Variants in PCDH15 observed in about 807,000 individuals in gnomAD.
PCDH15 encodes protocadherin-15.
In PCDH15, 129 loss-of-function variants were observed where a neutral mutation model predicts 178.5. The ratio of observed to expected loss-of-function variants is 0.72; its 90% CI spans 0.63 to 0.84. The LOEUF (loss-of-function observed/expected upper bound fraction) is 0.84, where lower values mean the gene tolerates loss of function less well. PCDH15 is among the 40% of genes least tolerant of loss of function. PCDH15 has a pLI of 0.00. For synonymous variants in PCDH15, 800 were observed against 732.0 expected, an observed-to-expected ratio of 1.09 and a Z score of -1.50; for missense variants, 2,230 against 2,099.9, an observed-to-expected ratio of 1.06 and a Z score of -1.21.
At chr10:55,487,913 G>T (rs1165469372) in intron 2 of PCDH15, among the ~76,000 whole-genome samples, 1 of 148,660 alleles carries the variant, frequency 6.7e-6, no homozygotes, top group Admixed American at 6.8e-5. Context: ...GTGAACATAA[G>T]ATTTTAATAA....
At chr10:54,748,118 C>T (rs1183668379) in intron 1 of PCDH15, among the ~76,000 whole-genome samples, 2 of 152,096 alleles carry the variant, frequency 1.3e-5, no homozygotes, top group Non-Finnish European at 2.9e-5. Context: ...TCAATGGTTA[C>T]ATTCTTATTT....
At chr10:54,652,385 T>G (rs898169775) in intron 2 of PCDH15, among the ~76,000 whole-genome samples, 1 of 152,144 alleles carries the variant, frequency 6.6e-6, no homozygotes, top group African/African-American at 2.4e-5. Context: ...AATAGCTCAG[T>G]CCTCCACAGC....
intron 15 of PCDH15, among the ~76,000 whole-genome samples, chr10:54,112,265 C>A (rs1354355840): frequency 6.6e-6 from 1 of 152,042 alleles, no homozygotes; most frequent in African/African-American, 2.4e-5. Context: ...CTGGAAAATT[C>A]TTTGTTGGAG....
chr10:54,921,223 T>A (rs1360817417), intron 2 of PCDH15, among the ~76,000 whole-genome samples: 1 of 152,210 alleles, frequency 6.6e-6, no homozygotes, highest in African/African-American at 2.4e-5. Flanking sequence ...TATAGAGGCT[T>A]GTCCAAATTT....
chr10:54,465,874 T>C (rs1159372814), intron 3 of PCDH15, among the ~76,000 whole-genome samples: 1 of 152,046 alleles, frequency 6.6e-6, no homozygotes, highest in Non-Finnish European at 1.5e-5. Context: ...GTATAAGAGT[T>C]CTTTTTTCTC....
intron 10 of PCDH15, among the ~76,000 whole-genome samples, chr10:54,213,462 T>C (rs2051665216): frequency 6.6e-6 from 1 of 152,136 alleles, no homozygotes; most frequent in Non-Finnish European, 1.5e-5. Context: ...ATTGAAAGCA[T>C]CTTTGGATAG....
At chr10:55,330,846 G>GTC (rs1844181618) in intron 2 of PCDH15, among the ~76,000 whole-genome samples, 1 of 150,694 alleles carries the variant, frequency 6.6e-6, no homozygotes, top group South Asian at 2.1e-4. Context: ...TTATGTGTGT[G>GTC]TGTGTGTGTG....
intron 2 of PCDH15, among the ~76,000 whole-genome samples, chr10:54,902,554 C>T (rs1954653482): frequency 6.6e-6 from 1 of 152,152 alleles, no homozygotes; most frequent in African/African-American, 2.4e-5. Flanking sequence ...CTCAGCCATG[C>T]TTTCTGTACA....
chr10:54,526,187 A>G (rs1204413411), intron 3 of PCDH15, among the ~76,000 whole-genome samples: 1 of 152,214 alleles, frequency 6.6e-6, no homozygotes, highest in African/African-American at 2.4e-5. Flanking sequence ...TAATCAGCAC[A>G]AAAGGAAATA....
intron 2 of PCDH15, among the ~76,000 whole-genome samples, chr10:55,484,631 C>A (rs564493724): frequency 6.6e-6 from 1 of 151,688 alleles, no homozygotes; most frequent in African/African-American, 2.4e-5. Flanking sequence ...AACTACCTGA[C>A]TTCAAGAAAC....
At chr10:55,556,447 C>T (rs1446216651) in intron 2 of PCDH15, among the ~76,000 whole-genome samples, 1 of 152,004 alleles carries the variant, frequency 6.6e-6, no homozygotes, top group East Asian at 1.9e-4. Flanking sequence ...AGTGGAAAAT[C>T]CTATTGGTTT....
At chr10:53,871,451 CGTGTGT>C (rs71461208) in intron 26 of PCDH15, among the ~76,000 whole-genome samples, 22 of 146,904 alleles carry the variant, frequency 1.5e-4, no homozygotes, top group East Asian at 1.0e-3. Context: ...TATATTCATA[CGTGTGT>C]GTGTGTGTGT....
intron 3 of PCDH15, among the ~76,000 whole-genome samples, chr10:54,895,264 C>T (rs1166422863): frequency 6.6e-6 from 1 of 152,012 alleles, no homozygotes; most frequent in East Asian, 1.9e-4. Flanking sequence ...TATAAGAAAT[C>T]CTAGATTTAC....
intron 2 of PCDH15, among the ~76,000 whole-genome samples, chr10:55,060,706 C>A (rs531550865): frequency 2.0e-5 from 3 of 151,442 alleles, no homozygotes; most frequent in African/African-American, 4.8e-5. Flanking sequence ...CAATTGTTTT[C>A]AAAAAAACGA....
At chr10:55,247,094 C>A (rs536981361) in intron 1 of PCDH15, among the ~76,000 whole-genome samples, 1 of 152,196 alleles carries the variant, frequency 6.6e-6, no homozygotes, top group Non-Finnish European at 1.5e-5. Context: ...TATTTTTGAA[C>A]TATTTTTATC....
intron 2 of PCDH15, among the ~76,000 whole-genome samples, chr10:54,960,884 A>G (rs1042492565): frequency 1.3e-5 from 2 of 152,232 alleles, no homozygotes; most frequent in African/African-American, 4.8e-5. Flanking sequence ...CCAGAATAAC[A>G]GATTCTGATA....
intron 1 of PCDH15, among the ~76,000 whole-genome samples, chr10:55,238,510 A>G (rs934171938): frequency 8.5e-5 from 13 of 152,226 alleles, no homozygotes; most frequent in African/African-American, 2.6e-4. Context: ...TAATTAGTTA[A>G]GAAAATAAAA....
intron 2 of PCDH15, among the ~76,000 whole-genome samples, chr10:54,955,413 T>C (rs183502884): frequency 8.9e-4 from 135 of 151,458 alleles, no homozygotes; most frequent in African/African-American, 3.1e-3. Flanking sequence ...TTTCTCCAAA[T>C]GGTGATTGTT....
intron 2 of PCDH15, among the ~76,000 whole-genome samples, chr10:55,342,099 G>T (rs1467427195): frequency 6.6e-6 from 1 of 151,118 alleles, no homozygotes; most frequent in Non-Finnish European, 1.5e-5. Context: ...TATGTATATT[G>T]TTAATGGCAA....
Sources: allele counts gnomAD v4.1 joint callset (sites outside exome capture counted in the v4.1 genomes callset), GRCh38; gene constraint gnomAD v4.1.1; transcripts MANE v1.5; gene names NCBI Gene and HGNC (gene_info 2026-07-23, HGNC 2026-07-21).